The following ATIC variants were observed in gnomAD, a reference collection of about 807,000 sequenced individuals.
The protein encoded by ATIC is 5-aminoimidazole-4-carboxamide ribonucleotide formyltransferase/IMP cyclohydrolase, also known as bifunctional purine biosynthesis protein ATIC.
A neutral mutation model predicts 72.5 loss-of-function variants in ATIC; 64 were observed. The observed-to-expected ratio is 0.88, with a 90% confidence interval of 0.72 to 1.09. The LOEUF is 1.09. Ranked by LOEUF, ATIC falls within the 50% of genes least tolerant of loss-of-function variation. The pLI is 0.00. For missense variants in ATIC, 787 were observed against 732.4 expected, an observed-to-expected ratio of 1.07 and a Z score of -0.86; for synonymous variants, 281 against 267.1, an observed-to-expected ratio of 1.05 and a Z score of -0.51.
chr2:215,355,598 A>T, the ATIC span, among the ~76,000 whole-genome samples: 1 of 151,278 alleles, frequency 6.6e-6, no homozygotes, highest in East Asian at 2.0e-4. Flanking sequence ...AGTGCTTTCC[A>T]TTCATGGACA....
chr2:215,345,726 G>A (rs2053063960), intron 13 of ATIC: 1 of 152,290 alleles, frequency 6.6e-6, no homozygotes, highest in Non-Finnish European at 1.5e-5. Flanking sequence ...GTGTCTACTG[G>A]TGTCAGGTTC....
chr2:215,351,164 C>T (rs10180997), downstream of ATIC, among the ~76,000 whole-genome samples: 33,864 of 152,104 alleles, frequency 0.22, 4,506 homozygotes, highest in Non-Finnish European at 0.3. Context: ...CAAGGAGAGA[C>T]GCCATCTTGC....
chr2:215,364,948 G>T, the ATIC span: 2 of 1,581,068 alleles, frequency 1.3e-6, no homozygotes, highest in Non-Finnish European at 8.6e-7. Context: ...GTTCTCCTAC[G>T]TGGTATGTCT....
downstream of ATIC, among the ~76,000 whole-genome samples, chr2:215,349,985 A>G (rs76810722): frequency 5.0e-3 from 768 of 152,312 alleles, 6 homozygotes; most frequent in African/African-American, 0.018. Context: ...GCCACACTTA[A>G]GGACTGGGAG....
chr2:215,326,274 T>C, intron 6 of ATIC, 136 bp downstream of exon 6: 1 of 1,169,528 alleles, frequency 8.6e-7, no homozygotes, highest in Non-Finnish European at 1.2e-6. Context: ...TTGTTAAAAA[T>C]GGAGAAACCA....
Position 215,349,106 on chromosome 2 carries a change from A to C in ATIC, c.1516A>C (p.Ile506Leu). ...TCTCCCCGCATAGGATGAAGATTTG[A>C]TAAAGTGGAAGGCACTGTTTGAGGA... Reference protein sequence around the residue: ...TGTIGEDEDLIKWKALFEEVP... With the variant: ...TGTIGEDEDLLKWKALFEEVP... The change falls in exon 15 of 16, where the codon ATA (isoleucine) becomes CTA (leucine). Residue 506 changes from isoleucine (I) to leucine (L), a missense_variant. By Grantham distance (5) the Ile-to-Leu change is conservative (BLOSUM62 2). Coordinates refer to ENST00000236959, the MANE Select transcript of ATIC (RefSeq NM_004044.7). 1 of 1,614,150 alleles carries C rather than the reference A, an allele frequency of 6.2e-7. No individual in the cohort carries two copies. The highest frequency in any genetic ancestry group is 8.5e-7 in the Non-Finnish European group (1 of 1,180,008).
At chr2:215,328,617 A>G (rs1242790233) in intron 7 of ATIC, among the ~76,000 whole-genome samples, 2 of 152,018 alleles carry the variant, frequency 1.3e-5, no homozygotes, top group Admixed American at 6.6e-5. Context: ...GCTTAGACCA[A>G]AGTAGCAGCC....
Position 215,334,972 on chromosome 2 carries a change from G to A in ATIC, c.976G>A (p.Asp326Asn), listed in dbSNP as rs1053542010. The A allele has an allele frequency of 3.1e-6, 5 of 1,613,448 alleles. No individual in the cohort carries two copies. Among genetic ancestry groups the A allele is most frequent in the Admixed American group, 1.7e-5 (1 of 59,984 alleles). Reference sequence around the variant, plus strand: ...TTTTGTTGCATTGTCCGATGTTTGTGATGTACCAACTGCAAAAATTATTTC... The same window carrying A: ...TTTTGTTGCATTGTCCGATGTTTGTAATGTACCAACTGCAAAAATTATTTC... ...GDFVALSDVC[D>N]VPTAKIISRE... Residue 326 changes from aspartate (D) to asparagine (N), a missense_variant, in exon 10 of 16, where the codon GAT (aspartate) becomes AAT (asparagine). By Grantham distance (23) the Asp-to-Asn change is conservative. Transcript: ENST00000236959.
At chr2:215,325,649 G>C (rs2052815254) in intron 5 of ATIC, among the ~76,000 whole-genome samples, 1 of 152,116 alleles carries the variant, frequency 6.6e-6, no homozygotes, top group African/African-American at 2.4e-5. Context: ...TGCAACCTCT[G>C]CCTCCTGGGC....
At chr2:215,325,573 A>AT (rs1010440424) in intron 5 of ATIC, among the ~76,000 whole-genome samples, 1 of 149,356 alleles carries the variant, frequency 6.7e-6, no homozygotes, top group Non-Finnish European at 1.5e-5. Context: ...TTTTATTTTT[A>AT]TTTTTTTGAG....
At chr2:215,341,229 A>T (rs969353274) in intron 12 of ATIC, among the ~76,000 whole-genome samples, 17 of 152,250 alleles carry the variant, frequency 1.1e-4, no homozygotes, top group Non-Finnish European at 1.3e-4. Context: ...CATTATACAT[A>T]GAAATATCTT....
At chr2:215,319,826 C>A in intron 4 of ATIC, 95 bp downstream of exon 4, 1 of 1,005,798 alleles carries the variant, frequency 9.9e-7, no homozygotes, top group Non-Finnish European at 1.6e-6. Context: ...TCACTATAAA[C>A]CTTTACTGCG....
At chr2:215,365,633 G>T in the ATIC span, 1 of 1,613,898 alleles carries the variant, frequency 6.2e-7, no homozygotes, top group East Asian at 2.2e-5. Context: ...GCACCATCCT[G>T]TAGGGGTGGG....
chr2:215,361,002 A>AT, the ATIC span: 358 of 157,388 alleles, frequency 2.3e-3, 1 homozygote, highest in African/African-American at 8.0e-3. Flanking sequence ...TTTCAATACA[A>AT]TTTTTTCCGT....
At chr2:215,363,323 C>G in the ATIC span, 1 of 152,146 alleles carries the variant, frequency 6.6e-6, no homozygotes, top group Admixed American at 6.5e-5. Context: ...CAATTTCATA[C>G]CAGAATGACT....
intron 4 of ATIC, among the ~76,000 whole-genome samples, chr2:215,323,135 CA>C (rs1378439707): frequency 6.6e-6 from 1 of 152,070 alleles, no homozygotes; most frequent in Non-Finnish European, 1.5e-5. Flanking sequence ...TTAGTAGAGA[CA>C]GGGTTTCACC....
chr2:215,364,666 T>A, the ATIC span: 2 of 598,700 alleles, frequency 3.3e-6, no homozygotes, highest in South Asian at 2.0e-5. Context: ...TCATTCATTC[T>A]TTCTACTAAG....
chr2:215,367,617 A>G, the ATIC span: 1 of 521,694 alleles, frequency 1.9e-6, no homozygotes, highest in Admixed American at 3.2e-5. Context: ...AATTAGCACC[A>G]TAATCTTATG....
chr2:215,312,649 A>G, intron 2 of ATIC, 25 bp downstream of exon 2: 1 of 1,614,062 alleles, frequency 6.2e-7, no homozygotes. Flanking sequence ...GTTCCATCAG[A>G]AAGGAGTGTG....
Sources: gnomAD v4.1 joint callset for allele counts (sites outside exome capture counted in the v4.1 genomes callset) on GRCh38, gnomAD v4.1.1 for gene constraint, MANE v1.5 for transcripts, NCBI Gene and HGNC (gene_info 2026-07-23, HGNC 2026-07-21) for gene names.